Variants in PLPPR1 observed in about 807,000 individuals in gnomAD.
PLPPR1 encodes phospholipid phosphatase related 1.
PLPPR1 carries 10 observed loss-of-function variants against 33.1 expected under a neutral mutation model. The observed-to-expected ratio is 0.30, with a 90% CI of 0.19 to 0.51. The LOEUF is 0.51. Among genes scored for constraint, PLPPR1 ranks in the 20% least tolerant of loss-of-function variants. PLPPR1 has a pLI of 0.97. For synonymous variants in PLPPR1, 151 were observed against 151.0 expected (o/e 1.00, Z 0.00); for missense variants, 304 against 408.1 (o/e 0.74, Z 2.20).
Position 101,041,283 on chromosome 9 carries a change from TG to T in PLPPR1, c.-46+12183del, listed in dbSNP as rs145353694. ...CTCCCTCTAGCTAGTTAATGGAAGA[TG>T]GCCAGGTAAAGCGGTGCAATTCATA... On this transcript the variant is annotated intron_variant, in intron 1 of 7. Transcript: ENST00000374874. Among the ~76,000 whole-genome samples the T allele has an allele frequency of 6.9e-3, 1,045 of 152,286 alleles. 61 individuals are homozygous for T. In the East Asian group the frequency reaches 0.14, roughly 21 times the overall value.
chr9:101,235,911 T>C (rs1372004144), intron 2 of PLPPR1, among the ~76,000 whole-genome samples: 1 of 151,786 alleles, frequency 6.6e-6, no homozygotes. Flanking sequence ...TTATAAAAAA[T>C]AATTTTAAAG....
chr9:101,115,882 A>G (rs1831112140), intron 1 of PLPPR1, among the ~76,000 whole-genome samples: 1 of 152,250 alleles, frequency 6.6e-6, no homozygotes, highest in Non-Finnish European at 1.5e-5. Context: ...AACAGCAACA[A>G]TAATAGTAAT....
chr9:101,247,960 C>T (rs1251307206), intron 2 of PLPPR1, among the ~76,000 whole-genome samples: 1 of 151,914 alleles, frequency 6.6e-6, no homozygotes, highest in Admixed American at 6.6e-5. Context: ...TTCTCCTTCA[C>T]AGAAAAATAA....
chr9:101,198,174 A>G (rs967374731), intron 2 of PLPPR1, among the ~76,000 whole-genome samples: 1 of 152,168 alleles, frequency 6.6e-6, no homozygotes, highest in Non-Finnish European at 1.5e-5. Context: ...TCTGGCCAGC[A>G]TACCCACTGA....
chr9:101,163,689 C>CA (rs779785851), intron 1 of PLPPR1, among the ~76,000 whole-genome samples: 8 of 151,432 alleles, frequency 5.3e-5, no homozygotes, highest in South Asian at 4.2e-4. Context: ...AGTACTAAGA[C>CA]AAAAAAAAGG....
chr9:101,261,021 A>G (rs1408706528), intron 2 of PLPPR1, among the ~76,000 whole-genome samples: 1 of 152,206 alleles, frequency 6.6e-6, no homozygotes, highest in Non-Finnish European at 1.5e-5. Context: ...AAAGCAAGAA[A>G]AAGAGCTGAG....
intron 1 of PLPPR1, among the ~76,000 whole-genome samples, chr9:101,134,647 G>A (rs1331229747): frequency 6.6e-6 from 1 of 152,118 alleles, no homozygotes; most frequent in Non-Finnish European, 1.5e-5. Context: ...GCCTCCCAGA[G>A]TGCCGGGATT....
intron 3 of PLPPR1, among the ~76,000 whole-genome samples, chr9:101,280,150 A>C (rs1394892696): frequency 6.6e-6 from 1 of 152,174 alleles, no homozygotes; most frequent in Non-Finnish European, 1.5e-5. Context: ...CTTAGAGACT[A>C]CTATGAGCAG....
At chr9:101,286,848 A>G (rs903209292) in intron 4 of PLPPR1, among the ~76,000 whole-genome samples, 2 of 152,252 alleles carry the variant, frequency 1.3e-5, no homozygotes, top group Non-Finnish European at 2.9e-5. Flanking sequence ...AGGTAAGAAT[A>G]GAGATCTTAC....
At chr9:101,174,406 C>T (rs1429811905) in intron 1 of PLPPR1, among the ~76,000 whole-genome samples, 1 of 152,142 alleles carries the variant, frequency 6.6e-6, no homozygotes, top group Non-Finnish European at 1.5e-5. Context: ...ATCAAAAGTG[C>T]TGGGCTATTA....
chr9:101,119,759 A>G (rs1831157221), intron 1 of PLPPR1, among the ~76,000 whole-genome samples: 1 of 152,220 alleles, frequency 6.6e-6, no homozygotes, highest in Admixed American at 6.5e-5. Flanking sequence ...GATAACCTCA[A>G]TTGGCCTTTT....
At chr9:101,196,315 G>A (rs1458262064) in intron 2 of PLPPR1, among the ~76,000 whole-genome samples, 2 of 152,176 alleles carry the variant, frequency 1.3e-5, no homozygotes, top group African/African-American at 4.8e-5. Flanking sequence ...TAAAATGGCA[G>A]TCTGTTGAGA....
chr9:101,129,054 G>A (rs1198199074), intron 1 of PLPPR1, among the ~76,000 whole-genome samples: 1 of 151,940 alleles, frequency 6.6e-6, no homozygotes, highest in African/African-American at 2.4e-5. Flanking sequence ...CTGTACTAAA[G>A]GTGTTCTCAT....
chr9:101,078,843 A>G (rs1271675344), intron 1 of PLPPR1, among the ~76,000 whole-genome samples: 1 of 152,086 alleles, frequency 6.6e-6, no homozygotes, highest in East Asian at 1.9e-4. Context: ...AGTTTCTCAT[A>G]CAGAAAAACT....
intron 1 of PLPPR1, among the ~76,000 whole-genome samples, chr9:101,101,279 C>T (rs1830894495): frequency 6.6e-6 from 1 of 152,042 alleles, no homozygotes; most frequent in Admixed American, 6.6e-5. Flanking sequence ...TCATATATTT[C>T]TCCCATCAAA....
chr9:101,271,651 G>A (rs1377039844), intron 3 of PLPPR1, among the ~76,000 whole-genome samples: 1 of 152,170 alleles, frequency 6.6e-6, no homozygotes, highest in Non-Finnish European at 1.5e-5. Flanking sequence ...ACTCGGTTCT[G>A]TCTGGTATGG....
At chr9:101,320,675 A>C (rs1829135710) in intron 7 of PLPPR1, among the ~76,000 whole-genome samples, 1 of 152,218 alleles carries the variant, frequency 6.6e-6, no homozygotes, top group African/African-American at 2.4e-5. Context: ...TTAGTAATAA[A>C]TGTTTCCACA....
intron 4 of PLPPR1, among the ~76,000 whole-genome samples, chr9:101,308,039 T>C (rs921497912): frequency 6.6e-6 from 1 of 152,084 alleles, no homozygotes; most frequent in Non-Finnish European, 1.5e-5. Flanking sequence ...AGAGAACAAA[T>C]AAAATCCAGG....
rs529391739 is a variant in PLPPR1 at position 101,236,627 on chromosome 9, G to A, written c.64-33253G>A. On this transcript the variant is annotated intron_variant, in intron 2 of 7. Transcript: ENST00000374874. ...TCTTTTTTTTCCTTTTTTAGTTAACGTGTAATAACTGTACATATCTATGGG... is the reference window on the plus strand; with the variant it reads ...TCTTTTTTTTCCTTTTTTAGTTAACATGTAATAACTGTACATATCTATGGG... Among the ~76,000 whole-genome samples the A allele has an allele frequency of 1.3e-4, 19 of 150,420 alleles. 1 individual carries two copies. The highest frequency in any genetic ancestry group is 4.2e-4 in the African/African-American group (17 of 40,962).
Sources: allele counts gnomAD v4.1 joint callset (sites outside exome capture counted in the v4.1 genomes callset), GRCh38; gene constraint gnomAD v4.1.1; transcripts MANE v1.5; gene names NCBI Gene and HGNC (gene_info 2026-07-23, HGNC 2026-07-21).